The following XIRP2 variants were observed in gnomAD, a reference collection of about 807,000 sequenced individuals.
The protein encoded by XIRP2 is xin actin-binding repeat-containing protein 2.
Under a neutral mutation model 277.0 loss-of-function variants are expected in XIRP2, and 236 were observed. The ratio of observed to expected loss-of-function variants is 0.85; its 90% confidence interval spans 0.77 to 0.95. The LOEUF (loss-of-function observed/expected upper bound fraction) is 0.95, where lower values mean the gene tolerates loss of function less well. Ranked by LOEUF, XIRP2 falls within the 40% of genes least tolerant of loss-of-function variation. The pLI is 0.00. For missense variants in XIRP2, 4,640 were observed against 4,157.5 expected, an observed-to-expected ratio of 1.12 and a Z score of -3.19; for synonymous variants, 1,490 against 1,416.5, an observed-to-expected ratio of 1.05 and a Z score of -1.17.
At chr2:167,185,858 A>G (rs1481350267) in intron 3 of XIRP2, among the ~76,000 whole-genome samples, 1 of 152,164 alleles carries the variant, frequency 6.6e-6, no homozygotes, top group Non-Finnish European at 1.5e-5. Context: ...CATAACACCA[A>G]TGGAAGGTTG....
intron 2 of XIRP2, among the ~76,000 whole-genome samples, chr2:167,015,316 G>A (rs369665398): frequency 1.3e-5 from 2 of 151,704 alleles, no homozygotes; most frequent in African/African-American, 2.4e-5. Flanking sequence ...CTACTTTGAG[G>A]TGTCTTCAAT....
At position 167,025,368 on chromosome 2, in the gene XIRP2, G is replaced by A. The variant is rs188245920; in HGVS notation, c.409-110541G>A. Among the ~76,000 whole-genome samples, 1,138 of 152,118 alleles carry A rather than the reference G, an allele frequency of 7.5e-3. 10 individuals carry two copies. Among genetic ancestry groups the A allele is most frequent in the Non-Finnish European group, 9.4e-3 (642 of 68,008 alleles). On this transcript the variant is annotated intron_variant, in intron 2 of 10. Transcript: ENST00000409195. ...CTTTTCTTCTTTATTAGTCTTGCTAGCGGTCTGTCAATTTTGTTGATCTTT... is the reference window on the plus strand; with the variant it reads ...CTTTTCTTCTTTATTAGTCTTGCTAACGGTCTGTCAATTTTGTTGATCTTT...
chr2:166,937,575 G>T (rs1025425848), intron 2 of XIRP2, among the ~76,000 whole-genome samples: 2 of 152,098 alleles, frequency 1.3e-5, no homozygotes, highest in Non-Finnish European at 2.9e-5. Context: ...TTGTGTCTCT[G>T]TCAGACTTTG....
chr2:167,218,627 C>G (rs1270222744), intron 5 of XIRP2, among the ~76,000 whole-genome samples: 1 of 152,088 alleles, frequency 6.6e-6, no homozygotes, highest in Non-Finnish European at 1.5e-5. Flanking sequence ...TATACTGAGC[C>G]TCTGCTTCTA....
rs555435700 is a variant in XIRP2 at position 167,002,158 on chromosome 2, A to G, written c.408+98268A>G. ...TTAATTGTGGCCAAAATATAATTGT[A>G]TAACTATACAACAATATCATTTTCC... On this transcript the variant is annotated intron_variant, in intron 2 of 10. Transcript: ENST00000409195. Among the ~76,000 whole-genome samples, 7 of 152,222 alleles carry G rather than the reference A, an allele frequency of 4.6e-5. No homozygotes were observed. The South Asian group carries it at 1.5e-3, about 32-fold the overall frequency.
chr2:167,121,310 C>T (rs10497316), intron 2 of XIRP2, among the ~76,000 whole-genome samples: 17,059 of 152,032 alleles, frequency 0.11, 1,017 homozygotes, highest in South Asian at 0.26. Context: ...TTAGTATGAT[C>T]GTTTGAATAC....
At chr2:166,980,653 G>A (rs765991418) in intron 2 of XIRP2, among the ~76,000 whole-genome samples, 70 of 152,110 alleles carry the variant, frequency 4.6e-4, no homozygotes, top group Non-Finnish European at 7.9e-4. Context: ...CCTGACCTCA[G>A]GTTATCCACC....
intron 2 of XIRP2, among the ~76,000 whole-genome samples, chr2:166,979,150 G>T (rs1218558167): frequency 6.6e-6 from 1 of 151,944 alleles, no homozygotes; most frequent in Admixed American, 6.6e-5. Flanking sequence ...ATGGAACATG[G>T]TTCATAATAA....
At chr2:167,071,707 C>T (rs1272069137) in intron 2 of XIRP2, among the ~76,000 whole-genome samples, 3 of 152,172 alleles carry the variant, frequency 2.0e-5, no homozygotes, top group Non-Finnish European at 4.4e-5. Flanking sequence ...AACATGAGAA[C>T]TATGAAAACG....
At chr2:166,964,959 C>T (rs1413765480) in intron 2 of XIRP2, among the ~76,000 whole-genome samples, 1 of 151,746 alleles carries the variant, frequency 6.6e-6, no homozygotes, top group Non-Finnish European at 1.5e-5. Flanking sequence ...AGCTTAGAGG[C>T]TCTGCTGATC....
intron 2 of XIRP2, among the ~76,000 whole-genome samples, chr2:166,976,005 T>C (rs1462224050): frequency 6.8e-6 from 1 of 146,270 alleles, no homozygotes; most frequent in Non-Finnish European, 1.5e-5. Context: ...TTTTAGTGTA[T>C]ACTAAAAACT....
At chr2:167,055,859 C>G (rs1396928633) in intron 2 of XIRP2, among the ~76,000 whole-genome samples, 1 of 152,080 alleles carries the variant, frequency 6.6e-6, no homozygotes, top group Non-Finnish European at 1.5e-5. Flanking sequence ...AAAATTTTCT[C>G]TTTTCCCCTG....
chr2:167,066,914 A>G (rs761846740), intron 2 of XIRP2, among the ~76,000 whole-genome samples: 126 of 152,220 alleles, frequency 8.3e-4, no homozygotes, highest in Middle Eastern at 6.8e-3. Context: ...ATCTGTGATA[A>G]TTCTTGTATT....
intron 3 of XIRP2, among the ~76,000 whole-genome samples, chr2:167,171,184 G>A (rs1337315349): frequency 6.6e-6 from 1 of 152,088 alleles, no homozygotes; most frequent in Non-Finnish European, 1.5e-5. Context: ...ACAGGTGTGA[G>A]CCACTGCACC....
chr2:167,240,444 C>G (rs1284292363), intron 6 of XIRP2, among the ~76,000 whole-genome samples: 1 of 151,992 alleles, frequency 6.6e-6, no homozygotes, highest in Non-Finnish European at 1.5e-5. Flanking sequence ...GTAAAATAGG[C>G]ACCCTATAAA....
At chr2:167,041,362 G>A (rs1688657552) in intron 2 of XIRP2, among the ~76,000 whole-genome samples, 1 of 152,100 alleles carries the variant, frequency 6.6e-6, no homozygotes, top group Admixed American at 6.5e-5. Context: ...TCCAGAATCT[G>A]GATGACAATG....
At chr2:167,031,386 C>G (rs1688342574) in intron 2 of XIRP2, among the ~76,000 whole-genome samples, 1 of 151,962 alleles carries the variant, frequency 6.6e-6, no homozygotes, top group Non-Finnish European at 1.5e-5. Context: ...TAAGGCAGGC[C>G]TAGTTGTGAC....
At chr2:167,119,234 C>A (rs1018028975) in intron 2 of XIRP2, among the ~76,000 whole-genome samples, 6 of 152,012 alleles carry the variant, frequency 3.9e-5, no homozygotes, top group South Asian at 2.1e-4. Context: ...GATTTTTTCC[C>A]CTTCTTTTTC....
intron 2 of XIRP2, among the ~76,000 whole-genome samples, chr2:167,088,921 G>T (rs1403144843): frequency 6.6e-6 from 1 of 152,072 alleles, no homozygotes; most frequent in Non-Finnish European, 1.5e-5. Context: ...TTCATTCTCT[G>T]TCTTCCCTAC....
Sources: allele counts gnomAD v4.1 joint callset (sites outside exome capture counted in the v4.1 genomes callset), GRCh38; gene constraint gnomAD v4.1.1; transcripts MANE v1.5; gene names NCBI Gene and HGNC (gene_info 2026-07-23, HGNC 2026-07-21).